Variants in IL3 observed in about 807,000 individuals in gnomAD.
IL3 encodes the protein interleukin-3.
IL3 carries 15 observed loss-of-function variants against 15.4 expected under a neutral mutation model. That is an observed-to-expected ratio of 0.97 (90% confidence interval 0.65 to 1.50). The LOEUF (loss-of-function observed/expected upper bound fraction) is 1.50. Among genes scored for constraint, IL3 ranks in the 40% most tolerant of loss-of-function variants. The probability of loss-of-function intolerance (pLI) is 0.00; values close to 1 mark genes in which losing one functional copy is unlikely to be tolerated. For synonymous variants in IL3, 74 were observed against 79.3 expected (o/e 0.93, Z 0.36); for missense variants, 162 against 192.2 (o/e 0.84, Z 0.93).
intron 1 of IL3, 23 bp from the exon 2 acceptor site, chr5:132,060,944 T>C (rs754028156): frequency 9.3e-6 from 15 of 1,613,856 alleles, no homozygotes; most frequent in Non-Finnish European, 1.3e-5. Flanking sequence ...CTCATGGGCC[T>C]TTCTCTCCCT....
Position 132,060,823 on chromosome 5 carries a change from C to T in IL3, c.117C>T (p.Ile39=), listed in dbSNP as rs376385180. Residue 39 remains isoleucine (I), a synonymous_variant, in exon 1 of 5, where the codon ATC becomes ATT. Transcript: ENST00000296870. ...GCTGGGTTAACTGCTCTAACATGAT[C>T]GATGAAATTATAACACACTTAAAGC... ...KTSWVNCSNM[I]DEIITHLKQP... 5.6e-6 allele frequency: 9 copies of T among 1,614,094 alleles called. No homozygotes were observed. The highest frequency in any genetic ancestry group is 5.0e-5 in the Admixed American group (3 of 60,010).
chr5:132,061,257 A>G (rs942400284), intron 2 of IL3, among the ~76,000 whole-genome samples: 6 of 152,236 alleles, frequency 3.9e-5, no homozygotes, highest in African/African-American at 1.4e-4. Context: ...TTAGAAAATG[A>G]AAAGGCAGTT....
intron 2 of IL3, among the ~76,000 whole-genome samples, chr5:132,061,801 C>T (rs1403389260): frequency 7.1e-6 from 1 of 141,114 alleles, no homozygotes; most frequent in African/African-American, 2.7e-5. Context: ...AAGAGTCTCA[C>T]TCTGTTGCCC....
intron 2 of IL3, among the ~76,000 whole-genome samples, chr5:132,061,753 A>G (rs1580731651): frequency 7.3e-6 from 1 of 137,392 alleles, no homozygotes; most frequent in Non-Finnish European, 1.5e-5. Flanking sequence ...CCACCTAGGT[A>G]CCCCCTCCCC....
chr5:132,063,023 T>TTTA lies in IL3; in HGVS notation c.*234_*236dup. The stretch of plus-strand genomic sequence containing the variant: ...ATTTTTATCCCATTGAGACTATTTA[T>TTTA]TTATGTATGTATGTATTTATTTATT... On this transcript the variant is annotated 3_prime_UTR_variant, in exon 5 of 5. Transcript: ENST00000296870. 1.9e-6 allele frequency: 1 copy of TTTA among 513,004 alleles called. No individual in the cohort carries two copies. Among genetic ancestry groups the TTTA allele is most frequent in the South Asian group, 2.8e-5 (1 of 35,722 alleles). The allele number at this position is 513,004 out of a possible 1,614,324, so 31.8% of individuals were successfully genotyped here. A position where few individuals can be genotyped will look rare whatever the true frequency, so the allele number is the denominator to read the frequency against.
rs781087044 is a variant in IL3, at chr5:132,062,752, G to T, written c.420G>T (p.Ala140=). ...LTFYLKTLEN[A]QAQQTTLSLA... ...TCTATCTGAAAACCCTTGAGAATGCGCAGGCTCAACAGACGACTTTGAGCC... is the reference window on the plus strand; with the variant it reads ...TCTATCTGAAAACCCTTGAGAATGCTCAGGCTCAACAGACGACTTTGAGCC... The change falls in exon 5 of 5, where the codon GCG becomes GCT. Residue 140 remains alanine, a synonymous_variant. Coordinates refer to ENST00000296870, the MANE Select transcript of IL3 (RefSeq NM_000588.4). 6.2e-6 allele frequency: 10 copies of T among 1,614,116 alleles called. No individual in the cohort carries two copies. Among genetic ancestry groups the T allele is most frequent in the Non-Finnish European group, 6.8e-6 (8 of 1,179,992 alleles).
At chr5:132,062,236 G>A in intron 2 of IL3, 76 bp from the exon 3 acceptor site, 1 of 1,169,594 alleles carries the variant, frequency 8.5e-7, no homozygotes, top group Non-Finnish European at 1.3e-6. Context: ...GGGAAACTGT[G>A]GGGGTGACTT....
In IL3 at chr5:132,062,402, G is replaced by A. The variant is rs2127006875; in HGVS notation, c.294+1G>A. 1 of 1,613,936 alleles carries A rather than the reference G, an allele frequency of 6.2e-7. No individual in the cohort carries two copies. The highest frequency in any genetic ancestry group is 1.3e-5 in the African/African-American group (1 of 75,058). ...ATCAGCAATTGAGAGCATTCTTAAA[G>A]TATGTGAAGCTGTTGAGGGTTTGGG... is the stretch of plus-strand genomic sequence containing the variant. On this transcript the variant is annotated splice_donor_variant, in intron 3 of 4. Coordinates refer to ENST00000296870, the MANE Select transcript of IL3 (RefSeq NM_000588.4). LOFTEE classifies it high-confidence loss of function.
chr5:132,061,610 T>G (rs987436588), intron 2 of IL3, among the ~76,000 whole-genome samples: 1 of 152,226 alleles, frequency 6.6e-6, no homozygotes, highest in African/African-American at 2.4e-5. Context: ...TCTTGATTTC[T>G]AGGAGACTTT....
chr5:132,062,804 G>T lies in IL3; in HGVS notation c.*13G>T, dbSNP rs750530337. 6.2e-7 allele frequency: 1 copy of T among 1,609,778 alleles called. No homozygotes were observed. The highest frequency in any genetic ancestry group is 8.5e-7 in the Non-Finnish European group (1 of 1,176,788). ...CGCGATCTTTTGAGTCCAACGTCCAGCTCGTTCTCTGGGCCTTCTCACCAC... is the reference window on the plus strand; with the variant it reads ...CGCGATCTTTTGAGTCCAACGTCCATCTCGTTCTCTGGGCCTTCTCACCAC... On this transcript the variant is annotated 3_prime_UTR_variant, in exon 5 of 5. Coordinates refer to ENST00000296870, the MANE Select transcript of IL3 (RefSeq NM_000588.4).
In IL3 at chr5:132,060,950, TC is replaced by T; in HGVS notation, c.163-14del. The T allele has an allele frequency of 1.2e-6, 2 of 1,614,106 alleles. No individual in the cohort carries two copies. Among genetic ancestry groups the T allele is most frequent in the African/African-American group, 2.7e-5 (2 of 75,052 alleles). On this transcript the variant is annotated splice_polypyrimidine_tract_variant and intron_variant, in intron 1 of 4. Coordinates refer to ENST00000296870, the MANE Select transcript of IL3 (RefSeq NM_000588.4). ...CCAAAAGGCCTCATGGGCCTTTCTC[TC>T]CCTTCACCCCCACAGGACTTCAACA... is the stretch of plus-strand genomic sequence containing the variant.
rs185319047 is a variant in IL3 at position 132,060,754 on chromosome 5, C to T, written c.48C>T (p.Pro16=). ...TCCTGCTCCAACTCCTGGTCCGCCC[C>T]GGACTCCAAGCTCCCATGACCCAGA... The part of the protein sequence containing the change: ...VLLLLQLLVR[P]GLQAPMTQTT... The change falls in exon 1 of 5, where the codon CCC becomes CCT. Residue 16 remains proline, a synonymous_variant. Coordinates refer to ENST00000296870, the MANE Select transcript of IL3 (RefSeq NM_000588.4). 1.9e-5 allele frequency: 31 copies of T among 1,613,944 alleles called. No individual in the cohort carries two copies. In the East Asian group the frequency reaches 2.2e-4, roughly 12 times the overall value.
In IL3 at chr5:132,060,962, C is replaced by A. The variant is rs757248648; in HGVS notation, c.163-5C>A. Reference sequence around the variant, plus strand: ...ATGGGCCTTTCTCTCCCTTCACCCCCACAGGACTTCAACAACCTCAATGGG... The same window carrying A: ...ATGGGCCTTTCTCTCCCTTCACCCCAACAGGACTTCAACAACCTCAATGGG... On this transcript the variant is annotated splice_polypyrimidine_tract_variant and splice_region_variant and intron_variant, in intron 1 of 4. Coordinates refer to ENST00000296870, the MANE Select transcript of IL3 (RefSeq NM_000588.4). The A allele has an allele frequency of 1.9e-6, 3 of 1,614,204 alleles. No homozygotes were observed. Among genetic ancestry groups the A allele is most frequent in the Non-Finnish European group, 2.5e-6 (3 of 1,180,006 alleles).
chr5:132,061,652 C>A (rs755343532), intron 2 of IL3, among the ~76,000 whole-genome samples: 2 of 152,162 alleles, frequency 1.3e-5, no homozygotes, highest in African/African-American at 4.8e-5. Flanking sequence ...CTGTTATCAG[C>A]CTCTGAGCTA....
chr5:132,060,952 C>T lies in IL3; in HGVS notation c.163-15C>T, dbSNP rs1181838466. 14 of 1,614,122 alleles carry T rather than the reference C, an allele frequency of 8.7e-6. No individual in the cohort carries two copies. The highest frequency in any genetic ancestry group is 1.0e-5 in the Non-Finnish European group (12 of 1,179,952). Reference sequence around the variant, plus strand: ...AAAAGGCCTCATGGGCCTTTCTCTCCCTTCACCCCCACAGGACTTCAACAA... The same window carrying T: ...AAAAGGCCTCATGGGCCTTTCTCTCTCTTCACCCCCACAGGACTTCAACAA... On this transcript the variant is annotated splice_polypyrimidine_tract_variant and intron_variant, in intron 1 of 4. Transcript: ENST00000296870.
rs781400290 is a variant in IL3, at chr5:132,062,808, G to A, written c.*17G>A. On this transcript the variant is annotated 3_prime_UTR_variant, in exon 5 of 5. Coordinates refer to ENST00000296870, the MANE Select transcript of IL3 (RefSeq NM_000588.4). ...ATCTTTTGAGTCCAACGTCCAGCTC[G>A]TTCTCTGGGCCTTCTCACCACAGAG... 381 of 1,608,292 alleles carry A rather than the reference G, an allele frequency of 2.4e-4. 4 individuals carry two copies. The highest frequency in any genetic ancestry group is 6.2e-4 in the South Asian group (56 of 90,634).
rs776070628 is a variant in IL3, at chr5:132,060,956, CA to C, written c.163-10del. The C allele has an allele frequency of 2.5e-6, 4 of 1,614,146 alleles. No individual in the cohort carries two copies. The highest frequency in any genetic ancestry group is 3.4e-6 in the Non-Finnish European group (4 of 1,179,956). Reference sequence around the variant, plus strand: ...GGCCTCATGGGCCTTTCTCTCCCTTCACCCCCACAGGACTTCAACAACCTCA... The same window carrying C: ...GGCCTCATGGGCCTTTCTCTCCCTTCCCCCCACAGGACTTCAACAACCTCA... On this transcript the variant is annotated splice_polypyrimidine_tract_variant and intron_variant, in intron 1 of 4. Transcript: ENST00000296870.
chr5:132,061,015 G>T lies in IL3; in HGVS notation c.204+7G>T, dbSNP rs765422877. 3.1e-6 allele frequency: 5 copies of T among 1,613,940 alleles called. No individual in the cohort carries two copies. The highest frequency in any genetic ancestry group is 1.7e-6 in the Non-Finnish European group (2 of 1,179,832). ...AGACCAAGACATTCTGATGGTAAGA[G>T]CTCAGCCCGTGGATCCCGATCCACT... is the stretch of plus-strand genomic sequence containing the variant. On this transcript the variant is annotated splice_region_variant and intron_variant, in intron 2 of 4. Coordinates refer to ENST00000296870, the MANE Select transcript of IL3 (RefSeq NM_000588.4).
intron 3 of IL3, 34 bp from the exon 4 acceptor site, chr5:132,062,492 A>G (rs1756497849): frequency 6.2e-7 from 1 of 1,613,926 alleles, no homozygotes; most frequent in Admixed American, 1.7e-5. Context: ...TTCCAAGGGA[A>G]TCTCTGACCA....
Sources: gnomAD v4.1 joint callset for allele counts (sites outside exome capture counted in the v4.1 genomes callset) on GRCh38, gnomAD v4.1.1 for gene constraint, MANE v1.5 for transcripts, NCBI Gene and HGNC (gene_info 2026-07-23, HGNC 2026-07-21) for gene names.